Variants in B3GALT1 observed in about 807,000 individuals in gnomAD.
The protein encoded by B3GALT1 is beta-1,3-galactosyltransferase 1.
Under a neutral mutation model 23.2 loss-of-function variants are expected in B3GALT1, and 10 were observed. That is an observed-to-expected ratio of 0.43 (90% CI 0.27 to 0.73). The LOEUF (loss-of-function observed/expected upper bound fraction) is 0.73. Ranked by LOEUF, B3GALT1 falls within the 30% of genes least tolerant of loss-of-function variation. B3GALT1 has a pLI of 0.21. For missense variants in B3GALT1, 299 were observed against 405.4 expected, an observed-to-expected ratio of 0.74 and a Z score of 2.25; for synonymous variants, 156 against 141.5, an observed-to-expected ratio of 1.10 and a Z score of -0.73.
intron 3 of B3GALT1, among the ~76,000 whole-genome samples, chr2:167,702,935 A>G (rs185361868): frequency 2.6e-5 from 4 of 152,358 alleles, no homozygotes; most frequent in African/African-American, 9.6e-5. Context: ...ATATTCATGT[A>G]AATTATGTAA....
At chr2:167,637,311 C>A (rs1685573903) in intron 2 of B3GALT1, among the ~76,000 whole-genome samples, 2 of 151,952 alleles carry the variant, frequency 1.3e-5, no homozygotes, top group Admixed American at 1.3e-4. Flanking sequence ...CTGACGGCCG[C>A]AGCACCAGCA....
chr2:167,346,727 G>C (rs1051716499), intron 1 of B3GALT1, among the ~76,000 whole-genome samples: 1 of 69,470 alleles, frequency 1.4e-5, no homozygotes, highest in African/African-American at 4.3e-5. Flanking sequence ...ATTAATTTCT[G>C]AGTTGTTTGT....
intron 3 of B3GALT1, among the ~76,000 whole-genome samples, chr2:167,663,961 T>G (rs1574198342): frequency 6.6e-6 from 1 of 151,412 alleles, no homozygotes; most frequent in South Asian, 2.1e-4. Flanking sequence ...AGCTCTTTAG[T>G]TTAATGAGAT....
chr2:167,367,413 A>G (rs1697605153), intron 1 of B3GALT1, among the ~76,000 whole-genome samples: 1 of 152,222 alleles, frequency 6.6e-6, no homozygotes, highest in South Asian at 2.1e-4. Context: ...AAAGTGGTCA[A>G]CATTCCCCAG....
rs2105329911 is a variant in B3GALT1 at position 167,469,193 on chromosome 2, T to G, written c.-510-20984T>G. Among the ~76,000 whole-genome samples, 3 of 152,310 alleles carry G rather than the reference T, an allele frequency of 2.0e-5. No individual in the cohort carries two copies. In the Middle Eastern group the frequency reaches 0.01, roughly 518 times the overall value. On this transcript the variant is annotated intron_variant, in intron 1 of 4. Transcript: ENST00000392690. ...TGGTGTGGTGGTTAAAATTATGGAC[T>G]CTGGAGCCAGGCTGCTAGAGTGTAA...
At chr2:167,708,559 G>A (rs1334170582) in intron 3 of B3GALT1, among the ~76,000 whole-genome samples, 1 of 152,220 alleles carries the variant, frequency 6.6e-6, no homozygotes, top group African/African-American at 2.4e-5. Context: ...TACTCAGGAG[G>A]CTGAGGCAGG....
intron 1 of B3GALT1, among the ~76,000 whole-genome samples, chr2:167,447,338 G>A (rs951834842): frequency 6.6e-6 from 1 of 152,196 alleles, no homozygotes; most frequent in Non-Finnish European, 1.5e-5. Context: ...CATTCTGTCT[G>A]TTCTCAGATC....
chr2:167,682,432 T>G (rs781331861), intron 3 of B3GALT1, among the ~76,000 whole-genome samples: 1 of 152,224 alleles, frequency 6.6e-6, no homozygotes, highest in Non-Finnish European at 1.5e-5. Context: ...AAAGTTAAAA[T>G]GCTCTGCCCT....
At chr2:167,526,186 A>AACACACAC (rs143744265) in intron 2 of B3GALT1, among the ~76,000 whole-genome samples, 4 of 150,338 alleles carry the variant, frequency 2.7e-5, no homozygotes, top group South Asian at 4.2e-4. Context: ...AGAGTTAGGT[A>AACACACAC]ACACACACAC....
chr2:167,487,971 A>G (rs532546199), intron 1 of B3GALT1, among the ~76,000 whole-genome samples: 1 of 152,300 alleles, frequency 6.6e-6, no homozygotes, highest in African/African-American at 2.4e-5. Context: ...AAGGTCATTT[A>G]ACACCATGTT....
intron 3 of B3GALT1, among the ~76,000 whole-genome samples, chr2:167,796,320 T>G (rs1688546218): frequency 6.6e-6 from 1 of 152,256 alleles, no homozygotes; most frequent in African/African-American, 2.4e-5. Flanking sequence ...TTTCACTTTT[T>G]TATGTGCCTT....
intron 3 of B3GALT1, among the ~76,000 whole-genome samples, chr2:167,663,017 G>C (rs1252399721): frequency 6.6e-6 from 1 of 151,678 alleles, no homozygotes; most frequent in Non-Finnish European, 1.5e-5. Flanking sequence ...GTGCAGGTTA[G>C]TTACATATGT....
intron 4 of B3GALT1, among the ~76,000 whole-genome samples, chr2:167,858,814 A>C (rs1690046670): frequency 1.3e-5 from 2 of 152,210 alleles, no homozygotes; most frequent in South Asian, 4.1e-4. Context: ...AAAATCGCCA[A>C]GTCTGTTCCA....
At chr2:167,753,705 C>A (rs1274823138) in intron 3 of B3GALT1, among the ~76,000 whole-genome samples, 1 of 152,164 alleles carries the variant, frequency 6.6e-6, no homozygotes, top group Non-Finnish European at 1.5e-5. Context: ...AATTTGCTTG[C>A]CAATGATTTC....
intron 4 of B3GALT1, among the ~76,000 whole-genome samples, chr2:167,858,388 G>C (rs1313310269): frequency 1.3e-5 from 2 of 148,570 alleles, no homozygotes; most frequent in South Asian, 4.3e-4. Context: ...AATTAGTCAA[G>C]ATGCATTGAC....
intron 4 of B3GALT1, among the ~76,000 whole-genome samples, chr2:167,836,143 G>T (rs567479382): frequency 6.6e-6 from 1 of 152,182 alleles, no homozygotes; most frequent in Non-Finnish European, 1.5e-5. Context: ...CCAAAGTATC[G>T]CAGTTCCTCA....
chr2:167,401,023 G>T (rs988493248), intron 1 of B3GALT1, among the ~76,000 whole-genome samples: 2 of 152,022 alleles, frequency 1.3e-5, no homozygotes, highest in Admixed American at 1.3e-4. Context: ...GAGTAGGCAG[G>T]TCTTAATTGA....
intron 2 of B3GALT1, among the ~76,000 whole-genome samples, chr2:167,545,664 A>T (rs962737535): frequency 6.6e-6 from 1 of 152,082 alleles, no homozygotes; most frequent in African/African-American, 2.4e-5. Flanking sequence ...CCACAAGTTC[A>T]AGGGTCCCCA....
chr2:167,663,133 A>C (rs1391723461), intron 3 of B3GALT1, among the ~76,000 whole-genome samples: 39 of 106,624 alleles, frequency 3.7e-4, no homozygotes, highest in Admixed American at 2.6e-3. Context: ...CAACAGTCCC[A>C]AGAGTGTGAT....
Sources: allele counts gnomAD v4.1 joint callset (sites outside exome capture counted in the v4.1 genomes callset), GRCh38; gene constraint gnomAD v4.1.1; transcripts MANE v1.5; gene names NCBI Gene and HGNC (gene_info 2026-07-23, HGNC 2026-07-21).